Variants in MYH10 observed in about 807,000 individuals in gnomAD.
MYH10 encodes the protein myosin heavy chain 10.
Under a neutral mutation model 257.8 loss-of-function variants are expected in MYH10, and 55 were observed. That is an observed-to-expected ratio of 0.21 (90% CI 0.17 to 0.27). The LOEUF is 0.27. MYH10 is among the 10% of genes least tolerant of loss of function. The pLI, the probability that MYH10 is intolerant of heterozygous loss-of-function variation, is 1.00. For missense variants in MYH10, 1,631 were observed against 2,500.6 expected, an observed-to-expected ratio of 0.65 and a Z score of 7.42; for synonymous variants, 854 against 921.7, an observed-to-expected ratio of 0.93 and a Z score of 1.33.
chr17:8,510,069 C>T (rs1385313049), intron 24 of MYH10, 120 bp from the exon 25 acceptor site: 27 of 963,942 alleles, frequency 2.8e-5, no homozygotes, highest in Admixed American at 7.8e-5. Flanking sequence ...CACGGAGTCT[C>T]GCTCTGTTGC....
At chr17:8,608,775 T>C (rs2084905577) in intron 2 of MYH10, among the ~76,000 whole-genome samples, 1 of 152,186 alleles carries the variant, frequency 6.6e-6, no homozygotes, top group Non-Finnish European at 1.5e-5. Context: ...CCACTCTGCC[T>C]GGAATGCCCA....
chr17:8,524,626 A>G (rs4791714), intron 17 of MYH10, among the ~76,000 whole-genome samples: 76,344 of 151,782 alleles, frequency 0.5, 20,193 homozygotes, highest in Middle Eastern at 0.62. Context: ...TTAAGATGTC[A>G]TCGATCCACC....
At chr17:8,558,742 A>C (rs1425847178) in intron 7 of MYH10, among the ~76,000 whole-genome samples, 1 of 152,240 alleles carries the variant, frequency 6.6e-6, no homozygotes, top group Non-Finnish European at 1.5e-5. Flanking sequence ...CTGATAGCTC[A>C]TATTTTGTTG....
In MYH10 at chr17:8,604,952, T is replaced by G; in HGVS notation, c.376A>C (p.Asn126His). 6.4e-7 allele frequency: 1 copy of G among 1,560,606 alleles called. No homozygotes were observed. Among genetic ancestry groups the G allele is most frequent in the Non-Finnish European group, 8.8e-7 (1 of 1,136,292 alleles). The change falls in exon 3 of 43, where the codon AAC (asparagine) becomes CAC (histidine). Residue 126 changes from asparagine (N) to histidine (H), a missense_variant. Transcript: ENST00000360416. ...TYSGLFCVVI[N>H]PYKNLPIYSE... ...TAAATTGGAAGATTCTTGTAAGGGT[T>G]TATAACTACACAGAAGAGTCCAGAA... is the stretch of plus-strand genomic sequence containing the variant.
intron 4 of MYH10, among the ~76,000 whole-genome samples, chr17:8,582,223 G>T (rs1297409448): frequency 2.6e-5 from 4 of 152,110 alleles, no homozygotes; most frequent in African/African-American, 9.7e-5. Context: ...AACAGAGGAG[G>T]TAACTAAAAG....
intron 1 of MYH10, among the ~76,000 whole-genome samples, chr17:8,627,658 T>C (rs1598016297): frequency 1.3e-5 from 2 of 152,224 alleles, no homozygotes; most frequent in South Asian, 2.1e-4. Flanking sequence ...CCATAATACA[T>C]TGGTACCCAA....
Position 8,553,958 on chromosome 17 carries a change from T to C in MYH10, c.817A>G (p.Thr273Ala). 1 of 1,612,014 alleles carries C rather than the reference T, an allele frequency of 6.2e-7. No individual in the cohort carries two copies. Among genetic ancestry groups the C allele is most frequent in the Non-Finnish European group, 8.5e-7 (1 of 1,178,320 alleles). ...TGYIVGANIE[T>A]YLLEKSRAVR... ...ATACATTTATGAAAAAGGATACATG[T>C]TTCAATGTTGGCCCCAACGATATAG... Residue 273 changes from threonine to alanine, a missense_variant, in exon 8 of 43, where the codon ACA becomes GCA. Around this residue, in one of 11 missense-constraint regions of MYH10, gnomAD observed 360 missense variants for 581.9 expected, o/e 0.62. Transcript: ENST00000360416.
chr17:8,565,238 C>T (rs1212569671), intron 7 of MYH10, among the ~76,000 whole-genome samples: 2 of 152,098 alleles, frequency 1.3e-5, no homozygotes, highest in African/African-American at 4.8e-5. Flanking sequence ...ATAATAGGTG[C>T]TTAATAATTA....
chr17:8,597,987 TTG>T lies in MYH10; in HGVS notation c.502+6837_502+6838del, dbSNP rs769749017. Among the ~76,000 whole-genome samples the T allele has an allele frequency of 1.2e-3, 182 of 152,088 alleles. 2 individuals carry two copies. The highest frequency in any genetic ancestry group is 1.2e-3 in the Non-Finnish European group (80 of 67,964). On this transcript the variant is annotated intron_variant, in intron 3 of 42. Transcript: ENST00000360416. Reference sequence around the variant, plus strand: ...AAGTACCTAGTCCTTAAGATTTGGTTTGTTTGTTTTTGAGACGGAGTCTCCCT... The same window carrying T: ...AAGTACCTAGTCCTTAAGATTTGGTTTTTGTTTTTGAGACGGAGTCTCCCT...
intron 1 of MYH10, among the ~76,000 whole-genome samples, chr17:8,629,761 T>C (rs1439053837): frequency 1.3e-5 from 2 of 151,886 alleles, no homozygotes; most frequent in African/African-American, 4.8e-5. Flanking sequence ...CCGGCCGTCC[T>C]GCTGCAGCGC....
At chr17:8,566,279 C>T (rs1447094053) in intron 7 of MYH10, among the ~76,000 whole-genome samples, 1 of 152,208 alleles carries the variant, frequency 6.6e-6, no homozygotes, top group Non-Finnish European at 1.5e-5. Flanking sequence ...ATAGCCAAGA[C>T]CACCTCAATG....
At chr17:8,478,198 C>T (rs1913021622) in intron 41 of MYH10, 140 bp downstream of exon 41, 1 of 725,180 alleles carries the variant, frequency 1.4e-6, no homozygotes, top group Non-Finnish European at 2.3e-6. Context: ...GAGTGCCCAC[C>T]AGGAACATGG....
At chr17:8,510,200 G>A (rs555623943) in intron 24 of MYH10, among the ~76,000 whole-genome samples, 4 of 151,788 alleles carry the variant, frequency 2.6e-5, no homozygotes, top group Admixed American at 6.6e-5. Flanking sequence ...CACCACGCCC[G>A]GCTAATTTTT....
intron 6 of MYH10, among the ~76,000 whole-genome samples, chr17:8,575,168 T>C (rs1236243072): frequency 6.6e-6 from 1 of 152,138 alleles, no homozygotes; most frequent in African/African-American, 2.4e-5. Context: ...AGGGATTGAT[T>C]TGACTCAAAG....
chr17:8,541,181 G>C (rs2082279670), intron 14 of MYH10, among the ~76,000 whole-genome samples: 1 of 152,082 alleles, frequency 6.6e-6, no homozygotes, highest in Admixed American at 6.5e-5. Flanking sequence ...ATGATCTCTA[G>C]CCATTAGACC....
At chr17:8,586,462 A>G (rs1410201125) in intron 4 of MYH10, among the ~76,000 whole-genome samples, 2 of 152,256 alleles carry the variant, frequency 1.3e-5, no homozygotes, top group Non-Finnish European at 2.9e-5. Flanking sequence ...TCTAGGTGGT[A>G]GACACATGGC....
intron 36 of MYH10, among the ~76,000 whole-genome samples, chr17:8,486,636 T>C (rs1914853145): frequency 6.6e-6 from 1 of 151,880 alleles, no homozygotes; most frequent in African/African-American, 2.4e-5. Context: ...TCCAAACTTT[T>C]TTCTAGGTAT....
At chr17:8,508,091 C>G (rs1335483200) in intron 26 of MYH10, among the ~76,000 whole-genome samples, 2 of 152,182 alleles carry the variant, frequency 1.3e-5, no homozygotes, top group East Asian at 3.9e-4. Flanking sequence ...GTTACCCAGG[C>G]TGTAGTGCGG....
At chr17:8,486,602 C>T (rs1264271519) in intron 36 of MYH10, among the ~76,000 whole-genome samples, 4 of 146,758 alleles carry the variant, frequency 2.7e-5, no homozygotes, top group Non-Finnish European at 6.0e-5. Flanking sequence ...TCCTACCAAC[C>T]TATTACCCAG....
Sources: gnomAD v4.1 joint callset for allele counts (sites outside exome capture counted in the v4.1 genomes callset) on GRCh38, gnomAD v4.1.1 for gene constraint, gnomAD v4.1.1 regional missense constraint, MANE v1.5 for transcripts, NCBI Gene and HGNC (gene_info 2026-07-23, HGNC 2026-07-21) for gene names.